The following EWSR1 variants were observed in gnomAD, a reference collection of about 807,000 sequenced individuals.
The protein encoded by EWSR1 is EWS RNA binding protein 1.
EWSR1 carries 14 observed loss-of-function variants against 92.1 expected under a neutral mutation model. The ratio of observed to expected loss-of-function variants is 0.15; its 90% CI spans 0.10 to 0.24. The LOEUF (loss-of-function observed/expected upper bound fraction) is 0.24, where lower values mean the gene tolerates loss of function less well. Ranked by LOEUF, EWSR1 falls within the 10% of genes least tolerant of loss-of-function variation. The pLI, the probability that EWSR1 is intolerant of heterozygous loss-of-function variation, is 1.00. For missense variants in EWSR1, 637 were observed against 870.9 expected (o/e 0.73, Z 3.38); for synonymous variants, 303 against 292.9 (o/e 1.03, Z -0.35).
rs962121125 is a variant in EWSR1, at chr22:29,279,120, AGAG to A, written c.413+905_413+907del. Among the ~76,000 whole-genome samples, 4 of 151,508 alleles carry A rather than the reference AGAG, an allele frequency of 2.6e-5. No homozygotes were observed. The East Asian group carries it at 5.8e-4, about 22-fold the overall frequency. ...GGCTATTGTTTTTAAACCCAGAAGA[AGAG>A]AGAGAGAGAGTGTGTGTGTGTGTGT... On this transcript the variant is annotated intron_variant, in intron 5 of 16. Coordinates refer to ENST00000397938, the MANE Select transcript of EWSR1 (RefSeq NM_005243.4).
At chr22:29,294,409 A>T (rs1219473982) in intron 11 of EWSR1, among the ~76,000 whole-genome samples, 1 of 151,124 alleles carries the variant, frequency 6.6e-6, no homozygotes, top group East Asian at 2.0e-4. Flanking sequence ...GATCGAGACC[A>T]TCCTGGCTAA....
At chr22:29,288,563 G>A (rs371424387) in intron 7 of EWSR1, 43 bp from the exon 8 acceptor site, 8 of 1,555,594 alleles carry the variant, frequency 5.1e-6, no homozygotes, top group Non-Finnish European at 7.0e-6. Context: ...AGGCAGTGGT[G>A]TAAATGCTGG....
intron 6 of EWSR1, among the ~76,000 whole-genome samples, chr22:29,283,807 G>A (rs1388088622): frequency 7.1e-6 from 1 of 141,652 alleles, no homozygotes; most frequent in Non-Finnish European, 1.5e-5. Context: ...GTGCTGGGGT[G>A]ACAGGCGCGA....
chr22:29,299,620 G>T lies in EWSR1; in HGVS notation c.1700G>T (p.Gly567Val). 6.2e-7 allele frequency: 1 copy of T among 1,605,556 alleles called. No individual in the cohort carries two copies. Among genetic ancestry groups the T allele is most frequent in the Non-Finnish European group, 8.5e-7 (1 of 1,175,284 alleles). The change falls in exon 16 of 17, where the codon GGC becomes GTC. Residue 567 changes from glycine (G) to valine (V), a missense_variant. This residue lies in a region of EWSR1 where 363 missense variants were observed against 447.8 expected (regional missense o/e 0.81). Coordinates refer to ENST00000397938, the MANE Select transcript of EWSR1 (RefSeq NM_005243.4). ...TTAGGTGGTGATCGTGGCAGAGGTG[G>T]CCCTGGTGGCATGCGGGGAGGAAGA... ...PPPGGDRGRG[G>V]PGGMRGGRGG... is the part of the protein sequence containing the mutation.
intron 1 of EWSR1, among the ~76,000 whole-genome samples, chr22:29,270,865 T>TG (rs2058622680): frequency 6.6e-6 from 1 of 152,362 alleles, no homozygotes; most frequent in Middle Eastern, 3.4e-3. Context: ...AAAATGCCTT[T>TG]AAGATTGTCA....
intron 1 of EWSR1, chr22:29,269,780 C>G (rs2058507274): frequency 6.6e-6 from 1 of 152,228 alleles, no homozygotes; most frequent in African/African-American, 2.4e-5. Flanking sequence ...CCTAGGTGCC[C>G]TATCCACCCT....
At chr22:29,294,998 T>C (rs115793102) in intron 11 of EWSR1, among the ~76,000 whole-genome samples, 7,727 of 152,072 alleles carry the variant, frequency 0.051, 284 homozygotes, top group African/African-American at 0.1. Flanking sequence ...TGCACAGATA[T>C]CACACACACC....
intron 12 of EWSR1, among the ~76,000 whole-genome samples, chr22:29,296,970 G>A (rs2060909778): frequency 6.6e-6 from 1 of 152,170 alleles, no homozygotes; most frequent in Admixed American, 6.5e-5. Context: ...GATCACTTGA[G>A]CCCGGAGAGT....
intron 5 of EWSR1, among the ~76,000 whole-genome samples, chr22:29,279,348 A>G (rs1475754062): frequency 6.6e-6 from 1 of 152,252 alleles, no homozygotes; most frequent in Admixed American, 6.5e-5. Context: ...TGGAAAGGAC[A>G]TAACCATATT....
chr22:29,287,575 C>T (rs1053943689), intron 7 of EWSR1, among the ~76,000 whole-genome samples: 1 of 152,072 alleles, frequency 6.6e-6, no homozygotes, highest in African/African-American at 2.4e-5. Context: ...CAGGACACAT[C>T]TTTAGGGCAT....
At chr22:29,297,324 T>C (rs1300311357) in intron 12 of EWSR1, among the ~76,000 whole-genome samples, 1 of 152,156 alleles carries the variant, frequency 6.6e-6, no homozygotes, top group African/African-American at 2.4e-5. Context: ...AGCCTAACTT[T>C]TGTATTTTTT....
chr22:29,299,662 G>C lies in EWSR1; in HGVS notation c.1742G>C (p.Arg581Pro). 6.2e-7 allele frequency: 1 copy of C among 1,611,758 alleles called. No homozygotes were observed. Among genetic ancestry groups the C allele is most frequent in the Non-Finnish European group, 8.5e-7 (1 of 1,178,992 alleles). ...MRGGRGGLMD[R>P]GGPGGMFRGG... ...GGAGGAAGAGGTGGCCTCATGGATC[G>C]TGGTGGTCCCGGTGGAATGTTCAGA... Residue 581 changes from arginine (R) to proline (P), a missense_variant, in exon 16 of 17, where the codon CGT (arginine) becomes CCT (proline). Arg to Pro is a moderately radical substitution (Grantham distance 103). This residue lies in a region of EWSR1 where 363 missense variants were observed against 447.8 expected (regional missense o/e 0.81). Transcript: ENST00000397938.
At chr22:29,291,408 T>C in intron 8 of EWSR1, 154 bp from the exon 9 acceptor site, 1 of 667,292 alleles carries the variant, frequency 1.5e-6, no homozygotes, top group Non-Finnish European at 2.5e-6. Flanking sequence ...TTGAGCAAGC[T>C]GCCCTGAAGA....
intron 15 of EWSR1, 100 bp downstream of exon 15, chr22:29,299,431 CTT>C (rs1309887609): frequency 6.6e-7 from 1 of 1,517,410 alleles, no homozygotes; most frequent in Non-Finnish European, 8.8e-7. Flanking sequence ...TGCTTAACAA[CTT>C]TGAGTTGTCG....
At chr22:29,279,502 G>A (rs1028183384) in intron 5 of EWSR1, among the ~76,000 whole-genome samples, 3 of 152,218 alleles carry the variant, frequency 2.0e-5, no homozygotes, top group African/African-American at 7.2e-5. Context: ...CATACCCCAT[G>A]ACTGGTTAGC....
chr22:29,281,500 C>T (rs575344293), intron 5 of EWSR1, among the ~76,000 whole-genome samples: 2 of 151,780 alleles, frequency 1.3e-5, no homozygotes, highest in African/African-American at 2.4e-5. Context: ...GAGGTGGGGT[C>T]TCCCTATATT....
At position 29,300,504 on chromosome 22, in the gene EWSR1, T is replaced by G. The variant is rs1187785371; in HGVS notation, c.*343T>G. ...TTTTTTTTTTTTTTTTAAATAAAAT[T>G]CCAAATGTTTATAAAGAGTCATCCT... is the stretch of plus-strand genomic sequence containing the variant. On this transcript the variant is annotated 3_prime_UTR_variant, in exon 17 of 17. Transcript: ENST00000397938. 1.7e-5 allele frequency: 4 copies of G among 232,914 alleles called. No homozygotes were observed. Among genetic ancestry groups the G allele is most frequent in the Non-Finnish European group, 8.4e-6 (1 of 119,646 alleles). 14.4% of individuals were successfully genotyped at this position (232,914 alleles called of 1,614,324 possible).
In EWSR1 at chr22:29,286,143, T is replaced by C. The variant is rs568430395; in HGVS notation, c.582-780T>C. ...CGTGAGCCACCGCACCCGGCCTGAT[T>C]TTTTGGGTTTTTTTTTGGAGACGGA... On this transcript the variant is annotated intron_variant, in intron 6 of 16. Coordinates refer to ENST00000397938, the MANE Select transcript of EWSR1 (RefSeq NM_005243.4). Among the ~76,000 whole-genome samples the C allele has an allele frequency of 3.5e-3, 506 of 144,850 alleles. 8 individuals are homozygous for C. The highest frequency in any genetic ancestry group is 0.011 in the East Asian group (46 of 4,290).
At chr22:29,276,879 T>G (rs1178625161) in intron 4 of EWSR1, 1 of 230,636 alleles carries the variant, frequency 4.3e-6, no homozygotes, top group Non-Finnish European at 8.6e-6. Context: ...CTCTAACTCC[T>G]AAACTCAAGC....
Sources: allele counts gnomAD v4.1 joint callset (sites outside exome capture counted in the v4.1 genomes callset), GRCh38; gene constraint gnomAD v4.1.1; regional missense constraint gnomAD v4.1.1; transcripts MANE v1.5; gene names NCBI Gene and HGNC (gene_info 2026-07-23, HGNC 2026-07-21).